Variants in SHISA9 observed in about 807,000 individuals in gnomAD.
SHISA9 encodes the protein shisa family member 9, also known as protein shisa-9.
A neutral mutation model predicts 38.0 loss-of-function variants in SHISA9; 13 were observed. The ratio of observed to expected loss-of-function variants is 0.34; its 90% CI spans 0.22 to 0.54. The LOEUF (loss-of-function observed/expected upper bound fraction) is 0.54, where lower values mean the gene tolerates loss of function less well. SHISA9 is among the 20% of genes least tolerant of loss of function. The pLI, the probability that SHISA9 is intolerant of heterozygous loss-of-function variation, is 0.91. For missense variants in SHISA9, 538 were observed against 575.8 expected, an observed-to-expected ratio of 0.93 and a Z score of 0.67; for synonymous variants, 275 against 242.0, an observed-to-expected ratio of 1.14 and a Z score of -1.27.
chr16:13,389,750 C>T, the SHISA9 span, among the ~76,000 whole-genome samples: 17 of 152,260 alleles, frequency 1.1e-4, no homozygotes, highest in Non-Finnish European at 2.5e-4. Flanking sequence ...GTCCCAAAAC[C>T]CACTGCATTA....
chr16:13,173,570 C>T (rs2050706984), intron 2 of SHISA9, among the ~76,000 whole-genome samples: 1 of 152,104 alleles, frequency 6.6e-6, no homozygotes, highest in Non-Finnish European at 1.5e-5. Flanking sequence ...CTCCCCACCC[C>T]TATTTGGGGA....
At chr16:13,488,092 G>A in the SHISA9 span, among the ~76,000 whole-genome samples, 33 of 152,246 alleles carry the variant, frequency 2.2e-4, no homozygotes, top group African/African-American at 7.2e-4. Context: ...GGAAGATAAT[G>A]GACCACCAGG....
chr16:13,097,169 C>G (rs1173674736), intron 2 of SHISA9, among the ~76,000 whole-genome samples: 3 of 152,070 alleles, frequency 2.0e-5, no homozygotes, highest in Non-Finnish European at 4.4e-5. Context: ...TATACAGAAC[C>G]CCACAATGGT....
At chr16:13,512,189 C>T in the SHISA9 span, among the ~76,000 whole-genome samples, 3 of 152,112 alleles carry the variant, frequency 2.0e-5, no homozygotes, top group African/African-American at 7.2e-5. Flanking sequence ...AATTATCCAA[C>T]ACCCAACAAG....
the SHISA9 span, among the ~76,000 whole-genome samples, chr16:13,262,798 G>C: frequency 2.4e-4 from 37 of 152,176 alleles, no homozygotes; most frequent in South Asian, 6.4e-3. Flanking sequence ...ATGAAGTATG[G>C]TTTTTGGGGT....
At chr16:13,102,802 T>A (rs1401121571) in intron 2 of SHISA9, among the ~76,000 whole-genome samples, 2 of 152,138 alleles carry the variant, frequency 1.3e-5, no homozygotes, top group Non-Finnish European at 2.9e-5. Context: ...TGGCACCCAA[T>A]GTAGTCGCTG....
intron 2 of SHISA9, among the ~76,000 whole-genome samples, chr16:13,034,569 T>G (rs1031857461): frequency 2.6e-5 from 4 of 152,214 alleles, no homozygotes; most frequent in Non-Finnish European, 5.9e-5. Flanking sequence ...ACTGTAATGA[T>G]AGACCCAATT....
the SHISA9 span, among the ~76,000 whole-genome samples, chr16:13,251,052 C>T: frequency 6.6e-6 from 1 of 152,158 alleles, no homozygotes; most frequent in Admixed American, 6.5e-5. Context: ...CACGTTTCTT[C>T]ACCTGCACGA....
At chr16:13,317,444 C>CT in the SHISA9 span, among the ~76,000 whole-genome samples, 4 of 152,220 alleles carry the variant, frequency 2.6e-5, no homozygotes, top group African/African-American at 9.6e-5. Flanking sequence ...AAACTGCCTT[C>CT]TTTTTTTAAA....
At chr16:12,965,533 G>A (rs1596553424) in intron 2 of SHISA9, among the ~76,000 whole-genome samples, 1 of 152,264 alleles carries the variant, frequency 6.6e-6, no homozygotes, top group African/African-American at 2.4e-5. Flanking sequence ...CAAGTGATTT[G>A]GAATCAGATG....
chr16:13,032,065 G>C (rs2072997004), intron 2 of SHISA9, among the ~76,000 whole-genome samples: 1 of 151,474 alleles, frequency 6.6e-6, no homozygotes, highest in South Asian at 2.1e-4. Context: ...ATGCAGGTTT[G>C]TTACATAGGT....
At chr16:12,950,095 T>C (rs2071735535) in intron 2 of SHISA9, among the ~76,000 whole-genome samples, 1 of 152,232 alleles carries the variant, frequency 6.6e-6, no homozygotes, top group Non-Finnish European at 1.5e-5. Context: ...TTTTCGTTCC[T>C]ACATACAGGT....
chr16:13,404,564 A>G, the SHISA9 span, among the ~76,000 whole-genome samples: 4 of 152,176 alleles, frequency 2.6e-5, no homozygotes, highest in Non-Finnish European at 4.4e-5. Flanking sequence ...ACAGGTGGCC[A>G]GAGCACAGAG....
chr16:13,544,137 G>C, the SHISA9 span, among the ~76,000 whole-genome samples: 21,915 of 151,904 alleles, frequency 0.14, 1,911 homozygotes, highest in East Asian at 0.35. Flanking sequence ...TTGAGTATCT[G>C]CTAAGTACTT....
chr16:13,112,852 C>T (rs76909150), intron 2 of SHISA9, among the ~76,000 whole-genome samples: 11,570 of 151,924 alleles, frequency 0.076, 614 homozygotes, highest in Admixed American at 0.15. Context: ...AAACTAAATC[C>T]GGTGTCACTT....
At chr16:13,281,059 G>A in the SHISA9 span, among the ~76,000 whole-genome samples, 1 of 151,628 alleles carries the variant, frequency 6.6e-6, no homozygotes, top group African/African-American at 2.4e-5. Flanking sequence ...TACTGTGCGA[G>A]TCACATTATT....
the SHISA9 span, among the ~76,000 whole-genome samples, chr16:13,436,292 A>T: frequency 1.3e-5 from 2 of 152,226 alleles, no homozygotes; most frequent in African/African-American, 2.4e-5. Flanking sequence ...TGGCGACTAA[A>T]AGTGGCCTCT....
chr16:13,095,530 C>G (rs2141952169), intron 2 of SHISA9, among the ~76,000 whole-genome samples: 1 of 152,344 alleles, frequency 6.6e-6, no homozygotes, highest in East Asian at 1.9e-4. Context: ...CTCCTCAGAA[C>G]TGTTCTAGCT....
the SHISA9 span, among the ~76,000 whole-genome samples, chr16:13,482,768 T>C: frequency 6.4e-4 from 93 of 146,404 alleles, no homozygotes; most frequent in African/African-American, 2.3e-3. Flanking sequence ...GCCACTGCAT[T>C]CCAGCCTTGG....
Sources: gnomAD v4.1 joint callset for allele counts (sites outside exome capture counted in the v4.1 genomes callset) on GRCh38, gnomAD v4.1.1 for gene constraint, MANE v1.5 for transcripts, NCBI Gene and HGNC (gene_info 2026-07-23, HGNC 2026-07-21) for gene names.